SNX6: variants seen among roughly 807,000 people sequenced by gnomAD.
SNX6 encodes the protein sorting nexin-6.
A neutral mutation model predicts 63.0 loss-of-function variants in SNX6; 34 were observed. The ratio of observed to expected loss-of-function variants is 0.54; its 90% confidence interval spans 0.41 to 0.72. SNX6 has a LOEUF of 0.72. SNX6 is among the 30% of genes least tolerant of loss of function. The pLI is 0.00. For missense variants in SNX6, 398 were observed against 471.4 expected (o/e 0.84, Z 1.44); for synonymous variants, 170 against 164.2 (o/e 1.04, Z -0.27).
chr14:34,609,681 G>C lies in SNX6; in HGVS notation c.116C>G (p.Ala39Gly). 6.2e-7 allele frequency: 1 copy of C among 1,612,896 alleles called. No homozygotes were observed. Among genetic ancestry groups the C allele is most frequent in the Non-Finnish European group, 8.5e-7 (1 of 1,179,264 alleles). ...DAALQVDISD[A>G]LSERDKVKFT... The stretch of plus-strand genomic sequence containing the variant: ...TTTTACTTTATCCCGCTCACTAAGA[G>C]CATCAGAAATGTCCACCTGCAGAGC... The change falls in exon 3 of 14, where the codon GCT becomes GGT. Residue 39 changes from alanine to glycine, a missense_variant. Ala to Gly is a moderately conservative substitution (Grantham distance 60). Transcript: ENST00000362031.
At position 34,628,142 on chromosome 14, in the gene SNX6, C is replaced by A. The variant is rs540015596; in HGVS notation, c.54+1765G>T. 8.5e-5 allele frequency among the ~76,000 whole-genome samples: 13 copies of A among 152,076 alleles called. 1 individual carries two copies. The South Asian group carries it at 2.5e-3, about 29-fold the overall frequency. The stretch of plus-strand genomic sequence containing the variant: ...CCCAGGAGTTTGACACTGGCCTGGG[C>A]AACATGGTGAGACCCTGTCTCTATA... On this transcript the variant is annotated intron_variant, in intron 2 of 13. Coordinates refer to ENST00000362031, the MANE Select transcript of SNX6 (RefSeq NM_152233.4).
At chr14:34,604,077 A>T in intron 5 of SNX6, 1 of 1,130,964 alleles carries the variant, frequency 8.8e-7, no homozygotes, top group Non-Finnish European at 1.1e-6. Flanking sequence ...AAAACATTCA[A>T]GGAAAAGGCT....
intron 2 of SNX6, among the ~76,000 whole-genome samples, chr14:34,626,126 T>G (rs946196897): frequency 2.6e-5 from 4 of 152,140 alleles, no homozygotes; most frequent in Non-Finnish European, 5.9e-5. Flanking sequence ...AATGAAACAA[T>G]GATTATGCTG....
chr14:34,580,348 G>A (rs184087996), intron 10 of SNX6, among the ~76,000 whole-genome samples: 1 of 152,268 alleles, frequency 6.6e-6, no homozygotes, highest in South Asian at 2.1e-4. Context: ...TGTCACCCAG[G>A]CTGGAGTACA....
At chr14:34,586,866 G>A (rs528467045) in intron 8 of SNX6, among the ~76,000 whole-genome samples, 6 of 150,548 alleles carry the variant, frequency 4.0e-5, no homozygotes, top group South Asian at 2.1e-4. Context: ...AATATTAGCC[G>A]GGCATGGTAG....
At chr14:34,568,050 G>A (rs767971374) in intron 11 of SNX6, 37 bp from the exon 12 acceptor site, 2 of 1,573,594 alleles carry the variant, frequency 1.3e-6, no homozygotes, top group Non-Finnish European at 1.7e-6. Context: ...TATATATACT[G>A]CATGTTTCCA....
At chr14:34,609,210 G>A (rs917100185) in intron 3 of SNX6, among the ~76,000 whole-genome samples, 3 of 151,908 alleles carry the variant, frequency 2.0e-5, no homozygotes, top group Non-Finnish European at 4.4e-5. Flanking sequence ...TTTTGGCTGG[G>A]CGCGGTGGCT....
chr14:34,594,225 G>T (rs1214984369), intron 7 of SNX6, among the ~76,000 whole-genome samples: 1 of 151,552 alleles, frequency 6.6e-6, no homozygotes, highest in African/African-American at 2.4e-5. Flanking sequence ...CCTAGCCTTA[G>T]TCATTAAGGC....
At chr14:34,572,523 C>T (rs1881491021) in intron 11 of SNX6, among the ~76,000 whole-genome samples, 1 of 151,990 alleles carries the variant, frequency 6.6e-6, no homozygotes, top group Admixed American at 6.6e-5. Context: ...CCTAAGAATT[C>T]AAAGTTAAAG....
chr14:34,612,648 G>T (rs948616010), intron 2 of SNX6, among the ~76,000 whole-genome samples: 1 of 151,828 alleles, frequency 6.6e-6, no homozygotes, highest in Non-Finnish European at 1.5e-5. Flanking sequence ...TAGCCAGTCT[G>T]GTCTTCAACT....
intron 7 of SNX6, among the ~76,000 whole-genome samples, chr14:34,595,150 G>A (rs1043305903): frequency 6.6e-6 from 1 of 151,038 alleles, no homozygotes; most frequent in Non-Finnish European, 1.5e-5. Flanking sequence ...TTCATAATAT[G>A]TAACAGTTCC....
chr14:34,604,155 T>C (rs1167177392), intron 5 of SNX6: 1 of 1,281,258 alleles, frequency 7.8e-7, no homozygotes, highest in Non-Finnish European at 1.0e-6. Context: ...GCAGGACCAA[T>C]GATGGGAGAA....
chr14:34,606,309 C>T (rs1025753149), intron 4 of SNX6, among the ~76,000 whole-genome samples: 3 of 150,002 alleles, frequency 2.0e-5, no homozygotes, highest in Non-Finnish European at 3.0e-5. Flanking sequence ...TTGGTAGAGA[C>T]GGGGTTTCGC....
intron 2 of SNX6, among the ~76,000 whole-genome samples, chr14:34,620,479 AAAAAAC>A (rs1013915884): frequency 4.0e-5 from 6 of 151,672 alleles, no homozygotes; most frequent in Non-Finnish European, 5.9e-5. Context: ...AGACTATGTC[AAAAAAC>A]AAAAACAAAA....
At chr14:34,589,496 A>C (rs1355306342) in intron 8 of SNX6, among the ~76,000 whole-genome samples, 3 of 151,284 alleles carry the variant, frequency 2.0e-5, no homozygotes, top group African/African-American at 7.3e-5. Flanking sequence ...AGAAAACATA[A>C]AGATTCTAAG....
intron 2 of SNX6, 171 bp downstream of exon 2, chr14:34,629,736 A>C: frequency 1.9e-6 from 2 of 1,067,828 alleles, no homozygotes; most frequent in Non-Finnish European, 2.7e-6. Flanking sequence ...AGCGGCCCCT[A>C]GGGAGGAAGG....
chr14:34,618,060 G>A (rs964193957), intron 2 of SNX6, among the ~76,000 whole-genome samples: 2 of 152,184 alleles, frequency 1.3e-5, no homozygotes, highest in African/African-American at 4.8e-5. Context: ...AGAGATGGAT[G>A]AGTGGATGGG....
intron 2 of SNX6, among the ~76,000 whole-genome samples, chr14:34,617,692 C>T (rs1198918686): frequency 6.6e-6 from 1 of 150,724 alleles, no homozygotes; most frequent in East Asian, 1.9e-4. Flanking sequence ...GAGGCTGAGG[C>T]AGGCGGATCA....
chr14:34,614,261 T>C lies in SNX6; in HGVS notation c.55-4519A>G, dbSNP rs1036038161. On this transcript the variant is annotated intron_variant, in intron 2 of 13. Transcript: ENST00000362031. ...AGGCAACATGGCAAAACCCCATCTC[T>C]AAAAAAAAACCGAAAACAATAACCA... 6.7e-5 allele frequency among the ~76,000 whole-genome samples: 10 copies of C among 150,308 alleles called. 1 individual carries two copies. The highest frequency in any genetic ancestry group is 2.2e-4 in the African/African-American group (9 of 40,910).
Sources: allele counts gnomAD v4.1 joint callset (sites outside exome capture counted in the v4.1 genomes callset), GRCh38; gene constraint gnomAD v4.1.1; transcripts MANE v1.5; gene names NCBI Gene and HGNC (gene_info 2026-07-23, HGNC 2026-07-21).